Variants in BRD3 observed in about 807,000 individuals in gnomAD.
The protein encoded by BRD3 is bromodomain-containing protein 3.
A neutral mutation model predicts 66.8 loss-of-function variants in BRD3; 17 were observed. That is an observed-to-expected ratio of 0.25 (90% confidence interval 0.17 to 0.38). The LOEUF (loss-of-function observed/expected upper bound fraction) is 0.38. Among genes scored for constraint, BRD3 ranks in the 10% least tolerant of loss-of-function variants. The pLI, the probability that BRD3 is intolerant of heterozygous loss-of-function variation, is 1.00. For synonymous variants in BRD3, 421 were observed against 393.2 expected (o/e 1.07, Z -0.84); for missense variants, 713 against 956.1 (o/e 0.75, Z 3.35).
At chr9:134,061,964 G>A (rs1355789379) in intron 1 of BRD3, among the ~76,000 whole-genome samples, 1 of 152,210 alleles carries the variant, frequency 6.6e-6, no homozygotes, top group Non-Finnish European at 1.5e-5. Flanking sequence ...GGCGGCCAGA[G>A]GGGCCTCCCC....
chr9:134,049,450 C>A lies in BRD3; in HGVS notation c.714+924G>T, dbSNP rs551178213. Among the ~76,000 whole-genome samples the A allele has an allele frequency of 1.8e-4, 27 of 152,346 alleles. No individual in the cohort carries two copies. In the East Asian group the frequency reaches 4.8e-3, roughly 27 times the overall value. The stretch of plus-strand genomic sequence containing the variant: ...GCCGCCGCCCTCAGACTGGCAGGGG[C>A]CGGAGCCGGCTATCCACAAACACTT... On this transcript the variant is annotated intron_variant, in intron 5 of 11. Transcript: ENST00000303407.
At position 134,053,336 on chromosome 9, in the gene BRD3, T is replaced by C; in HGVS notation, c.142A>G (p.Lys48Glu). The C allele has an allele frequency of 1.3e-6, 2 of 1,587,608 alleles. No individual in the cohort carries two copies. The highest frequency in any genetic ancestry group is 1.7e-6 in the Non-Finnish European group (2 of 1,165,558). The change falls in exon 2 of 12, where the codon AAG becomes GAG. Residue 48 changes from lysine to glutamate, a missense_variant. Around this residue, in one of 5 missense-constraint regions of BRD3, gnomAD observed 85 missense variants for 152.4 expected, o/e 0.56. Coordinates refer to ENST00000303407, the MANE Select transcript of BRD3 (RefSeq NM_007371.4). ...GCGAACTGGTGTTTCCAGAGCGTCT[T>C]CACCACCACATTCTGCATGTACTGC... ...QLQYMQNVVV[K>E]TLWKHQFAWP...
intron 1 of BRD3, among the ~76,000 whole-genome samples, chr9:134,060,587 GACACACACACACAC>G (rs10661799): frequency 2.8e-5 from 4 of 143,780 alleles, no homozygotes; most frequent in South Asian, 2.3e-4. Flanking sequence ...GCAAGACCCT[GACACACACACACAC>G]ACACACACAC....
intron 6 of BRD3, among the ~76,000 whole-genome samples, chr9:134,046,978 G>C (rs546101174): frequency 6.6e-6 from 1 of 152,344 alleles, no homozygotes; most frequent in Admixed American, 6.5e-5. Context: ...CTATGGTAGA[G>C]ACACACAAAC....
chr9:134,050,541 AG>A lies in BRD3; in HGVS notation c.546del (p.Gln184ArgfsTer59). The A allele has an allele frequency of 1.2e-6, 2 of 1,604,716 alleles. No individual in the cohort carries two copies. On this transcript the variant is annotated frameshift_variant, in exon 5 of 12. Transcript: ENST00000303407. LOFTEE classifies it high-confidence loss of function. Reference protein sequence around the residue: ...AAVSSVSPATPFQSVPPTVSQ... With the variant: ...AAVSSVSPATXFQSVPPTVSQ... ...GAGACGGTGGGGGGCACGCTCTGAAAGGGGGTCGCTGGGGAGACAGAGGACA... is the reference window on the plus strand; with the variant it reads ...GAGACGGTGGGGGGCACGCTCTGAAAGGGGTCGCTGGGGAGACAGAGGACA...
chr9:134,040,185 C>T lies in BRD3; in HGVS notation c.1492G>A (p.Glu498Lys). 6.4e-7 allele frequency: 1 copy of T among 1,568,180 alleles called. No individual in the cohort carries two copies. The highest frequency in any genetic ancestry group is 8.6e-7 in the Non-Finnish European group (1 of 1,156,740). ...TTCTCCTTGTCCTTCTTCTTCTTCT[C>T]CTTCTCCTTCTTCTCCTTCTTCTTC... ...PKKKKEKKEK[E>K]KKKKDKEKEK... Residue 498 changes from glutamate (E) to lysine (K), a missense_variant, in exon 9 of 12, where the codon GAG becomes AAG. By Grantham distance (56) the Glu-to-Lys change is moderately conservative (BLOSUM62 1). Coordinates refer to ENST00000303407, the MANE Select transcript of BRD3 (RefSeq NM_007371.4).
At chr9:134,055,840 C>T (rs1830410756) in intron 1 of BRD3, 1 of 152,608 alleles carries the variant, frequency 6.6e-6, no homozygotes, top group African/African-American at 2.4e-5. Context: ...CAGCTTCCTC[C>T]AAGCATGAGG....
At position 134,053,410 on chromosome 9, in the gene BRD3, G is replaced by C. The variant is rs200460874; in HGVS notation, c.68C>G (p.Pro23Arg). 4 of 1,612,344 alleles carry C rather than the reference G, an allele frequency of 2.5e-6. No homozygotes were observed. Among genetic ancestry groups the C allele is most frequent in the South Asian group, 2.2e-5 (2 of 91,086 alleles). The stretch of plus-strand genomic sequence containing the variant: ...CTTGCTGGGGTTGGAGACCTCCGGG[G>C]GGGGTGGGTTCACAGGGCCCGGGGT... ...PATPGPVNPP[P>R]PEVSNPSKPG... The change falls in exon 2 of 12, where the codon CCC (proline) becomes CGC (arginine). Residue 23 changes from proline to arginine, a missense_variant. By Grantham distance (103) the Pro-to-Arg change is moderately radical. This residue lies in a region of BRD3 where 48 missense variants were observed against 42.5 expected (regional missense o/e 1.13). Transcript: ENST00000303407.
intron 7 of BRD3, among the ~76,000 whole-genome samples, chr9:134,042,670 C>T (rs201414511): frequency 3.8e-4 from 50 of 131,370 alleles, no homozygotes; most frequent in African/African-American, 9.8e-4. Context: ...CACACACACA[C>T]ATATATATAC....
rs199979447 is a variant in BRD3 at position 134,033,733 on chromosome 9, C to T, written c.2066-28G>A. 19 of 702,184 alleles carry T rather than the reference C, an allele frequency of 2.7e-5. No homozygotes were observed. In the East Asian group the frequency reaches 4.8e-4, roughly 18 times the overall value. The allele number at this position is 702,184 out of a possible 1,614,324, so 43.5% of individuals were successfully genotyped here. A position where few individuals can be genotyped will look rare whatever the true frequency, so the allele number is the denominator to read the frequency against. On this transcript the variant is annotated intron_variant, in intron 11 of 11. Transcript: ENST00000303407. This position sits in a 1 kb window ranked among gnomAD's most constrained non-coding sequence, Gnocchi z 5.1. Reference sequence around the variant, plus strand: ...GTGGAGACATGGGCAGGGAGATGCGCTCGCACACCCGCTTCTTGACCCGCT... The same window carrying T: ...GTGGAGACATGGGCAGGGAGATGCGTTCGCACACCCGCTTCTTGACCCGCT...
At chr9:134,036,810 C>T (rs543779417) in intron 9 of BRD3, among the ~76,000 whole-genome samples, 1 of 151,700 alleles carries the variant, frequency 6.6e-6, no homozygotes, top group Admixed American at 6.6e-5. Context: ...AGGTCGAGAC[C>T]ATCCTGGCTA....
intron 1 of BRD3, among the ~76,000 whole-genome samples, chr9:134,055,472 G>C (rs1416332719): frequency 1.3e-5 from 2 of 152,174 alleles, no homozygotes; most frequent in African/African-American, 2.4e-5. Flanking sequence ...CACCCTTCCT[G>C]CTGGGCCCCC....
At chr9:134,047,837 A>C (rs1377954661) in intron 6 of BRD3, among the ~76,000 whole-genome samples, 1 of 152,234 alleles carries the variant, frequency 6.6e-6, no homozygotes, top group Non-Finnish European at 1.5e-5. Context: ...TGAAATCACT[A>C]AACGGGTTCG....
chr9:134,063,142 C>T (rs920869666), intron 1 of BRD3, among the ~76,000 whole-genome samples: 2 of 152,274 alleles, frequency 1.3e-5, no homozygotes, highest in African/African-American at 4.8e-5. Flanking sequence ...AGACCATCCC[C>T]TTGGTTATTT....
intron 4 of BRD3, among the ~76,000 whole-genome samples, chr9:134,051,196 G>A (rs936425605): frequency 6.6e-6 from 1 of 152,220 alleles, no homozygotes; most frequent in Non-Finnish European, 1.5e-5. Flanking sequence ...GAGTGCTAAA[G>A]AGACAAAGCC....
intron 1 of BRD3, among the ~76,000 whole-genome samples, chr9:134,059,095 A>G (rs1830485651): frequency 6.6e-6 from 1 of 152,218 alleles, no homozygotes; most frequent in Non-Finnish European, 1.5e-5. Flanking sequence ...CATCTTTCAG[A>G]GATTTGGACT....
At chr9:134,042,170 AG>A (rs1287376082) in intron 7 of BRD3, among the ~76,000 whole-genome samples, 1 of 152,134 alleles carries the variant, frequency 6.6e-6, no homozygotes, top group African/African-American at 2.4e-5. Flanking sequence ...AGGCCTGGGA[AG>A]AGGGGACACA....
chr9:134,048,260 G>T lies in BRD3; in HGVS notation c.909C>A (p.Gly303=). 6.2e-7 allele frequency: 1 copy of T among 1,610,796 alleles called. No homozygotes were observed. Among genetic ancestry groups the T allele is most frequent in the Non-Finnish European group, 8.5e-7 (1 of 1,179,154 alleles). Residue 303 remains glycine (G), a synonymous_variant, in exon 6 of 12, where the codon GGC becomes GGA. Coordinates refer to ENST00000303407, the MANE Select transcript of BRD3 (RefSeq NM_007371.4). The part of the protein sequence containing the change: ...LEDGEVPQHA[G]KKGKLSEHLR... ...GGTGCTCCGACAGCTTGCCCTTCTT[G>T]CCTGCGTGCTGGGGCACCTCGCCGT... is the stretch of plus-strand genomic sequence containing the variant.
intron 1 of BRD3, among the ~76,000 whole-genome samples, chr9:134,067,608 G>A (rs1203842956): frequency 6.8e-6 from 1 of 146,568 alleles, no homozygotes; most frequent in Non-Finnish European, 1.5e-5. Flanking sequence ...GGCGCGGGGC[G>A]CGCGGGCCGC....
Sources: gnomAD v4.1 joint callset for allele counts (sites outside exome capture counted in the v4.1 genomes callset) on GRCh38, gnomAD v4.1.1 for gene constraint, gnomAD v4.1.1 regional missense constraint, Gnocchi (gnomAD v3.1) non-coding constraint, MANE v1.5 for transcripts, NCBI Gene and HGNC (gene_info 2026-07-23, HGNC 2026-07-21) for gene names.